TRDN: variants seen among roughly 807,000 people sequenced by gnomAD.
The protein encoded by TRDN is triadin in skeletal muscle.
TRDN carries 161 observed loss-of-function variants against 149.7 expected under a neutral mutation model. The ratio of observed to expected loss-of-function variants is 1.08; its 90% CI spans 0.95 to 1.23. The LOEUF (loss-of-function observed/expected upper bound fraction) is 1.23, where lower values mean the gene tolerates loss of function less well. Among genes scored for constraint, TRDN ranks in the 50% most tolerant of loss-of-function variants. TRDN has a pLI of 0.00. For synonymous variants in TRDN, 294 were observed against 250.5 expected (o/e 1.17, Z -1.64); for missense variants, 896 against 823.5 (o/e 1.09, Z -1.08).
At chr6:123,320,594 G>A (rs1181124675) in intron 23 of TRDN, among the ~76,000 whole-genome samples, 2 of 152,034 alleles carry the variant, frequency 1.3e-5, no homozygotes, top group Non-Finnish European at 2.9e-5. Context: ...TGGCAAAACT[G>A]GGATTTGAAT....
intron 26 of TRDN, among the ~76,000 whole-genome samples, chr6:123,275,203 C>T (rs1337924128): frequency 6.6e-6 from 1 of 151,864 alleles, no homozygotes; most frequent in Non-Finnish European, 1.5e-5. Flanking sequence ...AAGAATGTAA[C>T]CTTATTTGGA....
Position 123,217,642 on chromosome 6 carries a change from T to C in TRDN, c.*959A>G, listed in dbSNP as rs915662314. ...GACATCTCACGAAGGCATTTAAGGC[T>C]AAAATGAATTCCTTAAACTTTGATG... On this transcript the variant is annotated 3_prime_UTR_variant, in exon 41 of 41. Transcript: ENST00000334268. The C allele has an allele frequency of 6.6e-6, 1 of 152,050 alleles. No individual in the cohort carries two copies. Among genetic ancestry groups the C allele is most frequent in the African/African-American group, 2.4e-5 (1 of 41,438 alleles). 9.4% of individuals were successfully genotyped at this position (152,050 alleles called of 1,614,324 possible).
chr6:123,301,861 C>A (rs1435930255), intron 24 of TRDN, among the ~76,000 whole-genome samples: 2 of 146,874 alleles, frequency 1.4e-5, no homozygotes, highest in Non-Finnish European at 3.0e-5. Flanking sequence ...CAACTGCCAA[C>A]TCATAAATGA....
At chr6:123,585,151 A>G (rs1276445451) in intron 1 of TRDN, among the ~76,000 whole-genome samples, 1 of 98,958 alleles carries the variant, frequency 1.0e-5, no homozygotes, top group Non-Finnish European at 2.5e-5. Flanking sequence ...AGGTGGGGGA[A>G]TACAAGAGGA....
chr6:123,339,045 G>A (rs1779973412), intron 21 of TRDN, among the ~76,000 whole-genome samples: 1 of 151,222 alleles, frequency 6.6e-6, no homozygotes, highest in South Asian at 2.1e-4. Context: ...TTTTTGTCTT[G>A]CTTTGTTGCC....
chr6:123,636,575 A>G (rs545141279), intron 1 of TRDN, among the ~76,000 whole-genome samples, 179 bp downstream of exon 1: 17 of 152,052 alleles, frequency 1.1e-4, no homozygotes, highest in African/African-American at 4.1e-4. Flanking sequence ...TGCTCCCCCA[A>G]TATACAGATC....
intron 40 of TRDN, among the ~76,000 whole-genome samples, 166 bp downstream of exon 40, chr6:123,221,321 C>T (rs570083570): frequency 7.9e-5 from 12 of 151,820 alleles, no homozygotes; most frequent in South Asian, 4.1e-4. Flanking sequence ...AAAAGTGATA[C>T]GCTTCTTTTT....
At chr6:123,522,538 TTGC>T (rs1165856674) in intron 5 of TRDN, among the ~76,000 whole-genome samples, 34 of 149,392 alleles carry the variant, frequency 2.3e-4, no homozygotes, top group Non-Finnish European at 4.2e-4. Context: ...TTTTTTTTTT[TTGC>T]ATTTTCCAAA....
chr6:123,308,610 G>A (rs1778701939), intron 24 of TRDN, among the ~76,000 whole-genome samples: 2 of 152,056 alleles, frequency 1.3e-5, no homozygotes, highest in South Asian at 4.1e-4. Flanking sequence ...CAAATTACAA[G>A]TGTCTATAGA....
intron 13 of TRDN, among the ~76,000 whole-genome samples, chr6:123,388,773 T>C (rs1782001230): frequency 1.3e-5 from 2 of 152,230 alleles, no homozygotes; most frequent in South Asian, 4.1e-4. Flanking sequence ...AAAAAATATA[T>C]GGAGTTACGT....
intron 9 of TRDN, among the ~76,000 whole-genome samples, chr6:123,495,434 G>A (rs1778406923): frequency 1.3e-5 from 2 of 151,826 alleles, no homozygotes; most frequent in African/African-American, 4.8e-5. Context: ...CAGGAGAATC[G>A]CTTGAACCCA....
chr6:123,336,781 G>T (rs576605778), intron 22 of TRDN, among the ~76,000 whole-genome samples: 130 of 151,136 alleles, frequency 8.6e-4, no homozygotes, highest in African/African-American at 3.1e-3. Flanking sequence ...GATTTAAATA[G>T]ATGAATTTTA....
intron 1 of TRDN, among the ~76,000 whole-genome samples, chr6:123,636,311 G>A (rs1158705513): frequency 6.6e-6 from 1 of 151,952 alleles, no homozygotes; most frequent in Non-Finnish European, 1.5e-5. Context: ...TCATAAAGCA[G>A]AAATGCTTCA....
chr6:123,245,835 T>C (rs1423403899), intron 38 of TRDN, among the ~76,000 whole-genome samples: 2 of 152,156 alleles, frequency 1.3e-5, no homozygotes, highest in Non-Finnish European at 2.9e-5. Flanking sequence ...GACCACATAG[T>C]TGGAAGTAAA....
intron 24 of TRDN, among the ~76,000 whole-genome samples, chr6:123,288,863 T>A (rs185072653): frequency 6.6e-6 from 1 of 151,964 alleles, no homozygotes; most frequent in Non-Finnish European, 1.5e-5. Context: ...AATTTTCAGC[T>A]AGTTTACAGC....
intron 4 of TRDN, among the ~76,000 whole-genome samples, chr6:123,542,666 A>G (rs1383516640): frequency 2.0e-5 from 3 of 152,184 alleles, no homozygotes; most frequent in African/African-American, 4.8e-5. Context: ...AAGTGTTAAT[A>G]CCAGTATTTT....
At chr6:123,394,198 G>A (rs11963304) in intron 12 of TRDN, among the ~76,000 whole-genome samples, 1,807 of 152,030 alleles carry the variant, frequency 0.012, 35 homozygotes, top group African/African-American at 0.041. Flanking sequence ...ATATATCCGA[G>A]AGAATGAGCA....
intron 24 of TRDN, among the ~76,000 whole-genome samples, chr6:123,289,095 C>A (rs1332522532): frequency 1.4e-5 from 2 of 141,220 alleles, no homozygotes; most frequent in Non-Finnish European, 3.0e-5. Flanking sequence ...TATATATACA[C>A]TATATATAGT....
chr6:123,547,272 G>T, intron 4 of TRDN, 68 bp downstream of exon 4: 1 of 942,780 alleles, frequency 1.1e-6, no homozygotes, highest in South Asian at 2.0e-5. Context: ...AAATATATTT[G>T]AACCATGCTG....
Sources: allele counts gnomAD v4.1 joint callset (sites outside exome capture counted in the v4.1 genomes callset), GRCh38; gene constraint gnomAD v4.1.1; transcripts MANE v1.5; gene names NCBI Gene and HGNC (gene_info 2026-07-23, HGNC 2026-07-21).